Variants in PRPSAP1 observed in about 807,000 individuals in gnomAD.
PRPSAP1 encodes phosphoribosyl pyrophosphate synthetase associated protein 1, also known as phosphoribosyl pyrophosphate synthase-associated protein 1.
In PRPSAP1, 31 loss-of-function variants were observed where a neutral mutation model predicts 39.4. The observed-to-expected ratio is 0.79, with a 90% CI of 0.59 to 1.06. PRPSAP1 has a LOEUF of 1.06. PRPSAP1 is among the 50% of genes least tolerant of loss of function. PRPSAP1 has a pLI of 0.00. For missense variants in PRPSAP1, 430 were observed against 511.6 expected, an observed-to-expected ratio of 0.84 and a Z score of 1.54; for synonymous variants, 212 against 192.6, an observed-to-expected ratio of 1.10 and a Z score of -0.83.
chr17:76,340,333 GTGTTTCCCAAT>G (rs1020018527), intron 3 of PRPSAP1, among the ~76,000 whole-genome samples: 3 of 151,632 alleles, frequency 2.0e-5, no homozygotes, highest in African/African-American at 7.3e-5. Context: ...AAAACGGTAA[GTGTTTCCCAAT>G]TGGCTATTAA....
intron 3 of PRPSAP1, among the ~76,000 whole-genome samples, chr17:76,337,879 A>C (rs1391880472): frequency 6.6e-6 from 1 of 152,172 alleles, no homozygotes; most frequent in African/African-American, 2.4e-5. Flanking sequence ...TGCTGGGATT[A>C]CAGGTGTGAG....
At chr17:76,326,238 A>G (rs1156839221) in intron 7 of PRPSAP1, among the ~76,000 whole-genome samples, 1 of 152,188 alleles carries the variant, frequency 6.6e-6, no homozygotes, top group Admixed American at 6.5e-5. Flanking sequence ...CAACTAATAA[A>G]TGTAGAAGGA....
intron 2 of PRPSAP1, 37 bp from the exon 3 acceptor site, chr17:76,344,774 C>T: frequency 6.8e-7 from 1 of 1,468,170 alleles, no homozygotes; most frequent in Non-Finnish European, 9.3e-7. Flanking sequence ...TTAAGAAAAG[C>T]TCCTATGTTA....
chr17:76,333,197 G>A (rs1005993547), intron 3 of PRPSAP1, among the ~76,000 whole-genome samples: 4 of 151,900 alleles, frequency 2.6e-5, no homozygotes, highest in Non-Finnish European at 5.9e-5. Flanking sequence ...TGCAACCTCC[G>A]CCTCCCAGGT....
In PRPSAP1 at chr17:76,353,900, G is replaced by T; in HGVS notation, c.-197C>A. 1 of 1,332,486 alleles carries T rather than the reference G, an allele frequency of 7.5e-7. No homozygotes were observed. The allele number at this position is 1,332,486 out of a possible 1,614,324, so 82.5% of individuals were successfully genotyped here. On this transcript the variant is annotated 5_prime_UTR_variant, in exon 1 of 10. Transcript: ENST00000446526. ...AGCCTTCGCAGCGCCCGGCGCCGCC[G>T]CCTCAGAGCCAGAGGCAAGGCCACC...
chr17:76,353,912 G>A lies in PRPSAP1; in HGVS notation c.-209C>T, dbSNP rs1031567135. ...GCCCGGCGCCGCCGCCTCAGAGCCAGAGGCAAGGCCACCGCCCCCTCCGGG... is the reference window on the plus strand; with the variant it reads ...GCCCGGCGCCGCCGCCTCAGAGCCAAAGGCAAGGCCACCGCCCCCTCCGGG... On this transcript the variant is annotated 5_prime_UTR_variant, in exon 1 of 10. Transcript: ENST00000446526. The A allele has an allele frequency of 1.5e-6, 2 of 1,329,392 alleles. No individual in the cohort carries two copies. The highest frequency in any genetic ancestry group is 8.1e-5 in the Admixed American group (2 of 24,696). The allele number at this position is 1,329,392 out of a possible 1,614,324, so 82.3% of individuals were successfully genotyped here.
At chr17:76,349,884 G>A (rs1051370318) in intron 1 of PRPSAP1, among the ~76,000 whole-genome samples, 1 of 151,096 alleles carries the variant, frequency 6.6e-6, no homozygotes, top group East Asian at 1.9e-4. Context: ...CCAGGAGTTC[G>A]AGACCCGCCT....
intron 3 of PRPSAP1, among the ~76,000 whole-genome samples, chr17:76,342,005 C>G (rs1297450964): frequency 6.6e-6 from 1 of 152,088 alleles, no homozygotes; most frequent in Non-Finnish European, 1.5e-5. Flanking sequence ...AGGAGGCAAA[C>G]AATACAAAAC....
At chr17:76,330,983 G>T (rs113392507) in intron 4 of PRPSAP1, among the ~76,000 whole-genome samples, 1,758 of 152,184 alleles carry the variant, frequency 0.012, 35 homozygotes, top group African/African-American at 0.04. Flanking sequence ...CGAAGAGATG[G>T]AAAAAACAGT....
chr17:76,332,210 G>A, intron 4 of PRPSAP1, 53 bp downstream of exon 4: 1 of 1,581,340 alleles, frequency 6.3e-7, no homozygotes, highest in South Asian at 1.1e-5. Context: ...GTCCAACTAG[G>A]AAAGAGCCCT....
intron 1 of PRPSAP1, among the ~76,000 whole-genome samples, chr17:76,351,328 A>T (rs1448258048): frequency 1.3e-5 from 2 of 152,098 alleles, no homozygotes; most frequent in African/African-American, 4.8e-5. Flanking sequence ...CAACCTGGCT[A>T]ACACAGTGAA....
chr17:76,348,102 G>GATCA (rs2071529707), intron 2 of PRPSAP1, among the ~76,000 whole-genome samples: 1 of 152,058 alleles, frequency 6.6e-6, no homozygotes, highest in African/African-American at 2.4e-5. Context: ...TGGGAAGACT[G>GATCA]CTTGAGCTCA....
intron 7 of PRPSAP1, among the ~76,000 whole-genome samples, chr17:76,328,070 C>T (rs192739831): frequency 1.3e-4 from 19 of 151,722 alleles, no homozygotes; most frequent in Admixed American, 1.2e-3. Context: ...GGTAGTGTAC[C>T]CCTACAGTCC....
intron 7 of PRPSAP1, among the ~76,000 whole-genome samples, chr17:76,321,179 G>A (rs1298071776): frequency 2.6e-5 from 4 of 151,916 alleles, no homozygotes; most frequent in East Asian, 1.9e-4. Flanking sequence ...TTATTGTTAC[G>A]TCTTTTCTGG....
chr17:76,345,947 A>C, intron 2 of PRPSAP1: 1 of 464,274 alleles, frequency 2.2e-6, no homozygotes, highest in Non-Finnish European at 4.2e-6. Flanking sequence ...CCTCCCTCCA[A>C]AGCCAGAGCC....
chr17:76,329,697 T>C (rs531229464), intron 6 of PRPSAP1, among the ~76,000 whole-genome samples: 1 of 151,648 alleles, frequency 6.6e-6, no homozygotes, highest in Non-Finnish European at 1.5e-5. Flanking sequence ...GATCGCGCCA[T>C]TGCACTCCAG....
chr17:76,345,508 C>G (rs1234876619), intron 2 of PRPSAP1, among the ~76,000 whole-genome samples: 2 of 151,470 alleles, frequency 1.3e-5, no homozygotes, highest in African/African-American at 4.9e-5. Context: ...TGCCTGTAGT[C>G]CCAGTGGGAG....
intron 7 of PRPSAP1, among the ~76,000 whole-genome samples, chr17:76,326,458 AT>A (rs1567801765): frequency 6.6e-6 from 1 of 152,174 alleles, no homozygotes; most frequent in South Asian, 2.1e-4. Flanking sequence ...TAACCAACTT[AT>A]CAGAATGCAC....
At chr17:76,351,384 G>A (rs1003060771) in intron 1 of PRPSAP1, among the ~76,000 whole-genome samples, 3 of 152,088 alleles carry the variant, frequency 2.0e-5, no homozygotes, top group African/African-American at 4.8e-5. Flanking sequence ...GCGAGGTGGC[G>A]GGGGCCTGTA....
Sources: allele counts gnomAD v4.1 joint callset (sites outside exome capture counted in the v4.1 genomes callset), GRCh38; gene constraint gnomAD v4.1.1; transcripts MANE v1.5; gene names NCBI Gene and HGNC (gene_info 2026-07-23, HGNC 2026-07-21).